The following CSRNP3 variants were observed in gnomAD, a reference collection of about 807,000 sequenced individuals.
CSRNP3 encodes the protein cysteine/serine-rich nuclear protein 3.
Under a neutral mutation model 48.0 loss-of-function variants are expected in CSRNP3, and 12 were observed. The observed-to-expected ratio is 0.25, with a 90% CI of 0.16 to 0.41. The LOEUF (loss-of-function observed/expected upper bound fraction) is 0.41, where lower values mean the gene tolerates loss of function less well. Among genes scored for constraint, CSRNP3 ranks in the 10% least tolerant of loss-of-function variants. The pLI, the probability that CSRNP3 is intolerant of heterozygous loss-of-function variation, is 1.00. For missense variants in CSRNP3, 580 were observed against 724.4 expected, an observed-to-expected ratio of 0.80 and a Z score of 2.29; for synonymous variants, 263 against 269.7, an observed-to-expected ratio of 0.98 and a Z score of 0.24.
At chr2:165,634,225 A>G (rs1362872491) in intron 4 of CSRNP3, among the ~76,000 whole-genome samples, 1 of 152,082 alleles carries the variant, frequency 6.6e-6, no homozygotes, top group African/African-American at 2.4e-5. Flanking sequence ...CTGTAATCCC[A>G]GGTACTCAGG....
intron 4 of CSRNP3, among the ~76,000 whole-genome samples, chr2:165,633,019 T>C (rs775232615): frequency 6.6e-6 from 1 of 152,254 alleles, no homozygotes; most frequent in Non-Finnish European, 1.5e-5. Flanking sequence ...TATGTCATAC[T>C]TTATGCAAAT....
intron 3 of CSRNP3, among the ~76,000 whole-genome samples, chr2:165,539,214 AT>A (rs1475052693): frequency 6.6e-6 from 1 of 152,020 alleles, no homozygotes; most frequent in Non-Finnish European, 1.5e-5. Flanking sequence ...AAACTGACAG[AT>A]CAATATGCAC....
intron 4 of CSRNP3, among the ~76,000 whole-genome samples, chr2:165,642,842 G>A (rs557959452): frequency 1.3e-4 from 20 of 152,174 alleles, no homozygotes; most frequent in Non-Finnish European, 2.5e-4. Flanking sequence ...GATTATAGAC[G>A]TGAGCCACCA....
Position 165,679,725 on chromosome 2 carries a change from C to T in CSRNP3, c.1730C>T (p.Ser577Leu). Residue 577 changes from serine to leucine, a missense_variant, in exon 7 of 7, where the codon TCA (serine) becomes TTA (leucine). Around this residue, in one of 4 missense-constraint regions of CSRNP3, gnomAD observed 369 missense variants for 380.8 expected, o/e 0.97. Transcript: ENST00000651982. The stretch of plus-strand genomic sequence containing the variant: ...ATATTGCATGAAGAGTGCATCAAAT[C>T]ACCCGTGGTTGAGACAGTCCCTGTT... Reference protein sequence around the residue: ...KSILHEECIKSPVVETVPV With the variant: ...KSILHEECIKLPVVETVPV The T allele has an allele frequency of 6.2e-7, 1 of 1,613,758 alleles. No individual in the cohort carries two copies. The highest frequency in any genetic ancestry group is 2.2e-5 in the East Asian group (1 of 44,854).
intron 5 of CSRNP3, among the ~76,000 whole-genome samples, chr2:165,671,665 A>C (rs1428032380): frequency 3.3e-5 from 5 of 152,270 alleles, no homozygotes; most frequent in African/African-American, 1.2e-4. Context: ...CATGCCCTGG[A>C]GACATTTTCC....
chr2:165,580,104 A>G (rs1685518459), intron 3 of CSRNP3, among the ~76,000 whole-genome samples: 1 of 151,290 alleles, frequency 6.6e-6, no homozygotes, highest in Non-Finnish European at 1.5e-5. Context: ...AATTTTTTGT[A>G]TTTTTAGTAG....
At chr2:165,651,314 A>G (rs1686898696) in intron 4 of CSRNP3, among the ~76,000 whole-genome samples, 1 of 152,230 alleles carries the variant, frequency 6.6e-6, no homozygotes, top group Non-Finnish European at 1.5e-5. Context: ...TTGAAGATTT[A>G]TTCCATACTA....
intron 4 of CSRNP3, among the ~76,000 whole-genome samples, chr2:165,603,964 G>A (rs1016020679): frequency 3.9e-5 from 6 of 152,148 alleles, no homozygotes; most frequent in Non-Finnish European, 5.9e-5. Flanking sequence ...CTAATAGGCA[G>A]GGCTCTCAAA....
chr2:165,622,093 A>C (rs1463016919), intron 4 of CSRNP3, among the ~76,000 whole-genome samples: 1 of 151,942 alleles, frequency 6.6e-6, no homozygotes, highest in Non-Finnish European at 1.5e-5. Flanking sequence ...ATTTCACATT[A>C]AAAAAAATAA....
At chr2:165,521,527 T>C (rs1396170173) in intron 3 of CSRNP3, among the ~76,000 whole-genome samples, 1 of 152,168 alleles carries the variant, frequency 6.6e-6, no homozygotes, top group Non-Finnish European at 1.5e-5. Context: ...GATTCTTCCA[T>C]TCTCTCACAA....
At position 165,687,688 on chromosome 2, in the gene CSRNP3, G is replaced by A. The variant is rs756984009; in HGVS notation, c.*7935G>A. 2 of 152,002 alleles carry A rather than the reference G, an allele frequency of 1.3e-5. No homozygotes were observed. Among genetic ancestry groups the A allele is most frequent in the African/African-American group, 4.8e-5 (2 of 41,390 alleles). The allele number at this position is 152,002 out of a possible 1,614,324, so 9.4% of individuals were successfully genotyped here. On this transcript the variant is annotated 3_prime_UTR_variant, in exon 7 of 7. Transcript: ENST00000651982. Reference sequence around the variant, plus strand: ...TGTGTTATTTAAACAATGGCTTCCTGCTTTCTCAGGGGTCAGGAAAATGAT... The same window carrying A: ...TGTGTTATTTAAACAATGGCTTCCTACTTTCTCAGGGGTCAGGAAAATGAT...
intron 3 of CSRNP3, among the ~76,000 whole-genome samples, chr2:165,534,300 T>C (rs1338002335): frequency 2.0e-5 from 3 of 151,956 alleles, no homozygotes; most frequent in Non-Finnish European, 4.4e-5. Context: ...TGCACATTTT[T>C]TGGTATCTAT....
chr2:165,559,540 C>G (rs962331721), intron 3 of CSRNP3, among the ~76,000 whole-genome samples: 3 of 151,954 alleles, frequency 2.0e-5, no homozygotes, highest in African/African-American at 7.2e-5. Flanking sequence ...TATTAATAGA[C>G]TTTATAGAAG....
chr2:165,503,478 A>G (rs1042971239), intron 2 of CSRNP3, among the ~76,000 whole-genome samples: 2 of 151,938 alleles, frequency 1.3e-5, no homozygotes, highest in African/African-American at 4.8e-5. Context: ...ATTATCTCAG[A>G]TGAGAGTTCT....
chr2:165,471,458 A>C lies in CSRNP3; in HGVS notation c.-283+1718A>C, dbSNP rs116385831. ...ATCAATGCAGCTATATTTTTTAGAAATTATAAATTCTGAGTAAAGCTACCT... is the reference window on the plus strand; with the variant it reads ...ATCAATGCAGCTATATTTTTTAGAACTTATAAATTCTGAGTAAAGCTACCT... On this transcript the variant is annotated intron_variant, in intron 1 of 6. Coordinates refer to ENST00000651982, the MANE Select transcript of CSRNP3 (RefSeq NM_001172173.2). Among the ~76,000 whole-genome samples, 1,230 of 152,164 alleles carry C rather than the reference A, an allele frequency of 8.1e-3. 15 individuals are homozygous for C. The highest frequency in any genetic ancestry group is 0.029 in the African/African-American group (1,187 of 41,552).
chr2:165,656,775 A>C (rs921748080), intron 4 of CSRNP3, among the ~76,000 whole-genome samples: 4 of 152,086 alleles, frequency 2.6e-5, no homozygotes, highest in African/African-American at 9.7e-5. Context: ...AAATTTGTTG[A>C]CATTTGTTTT....
chr2:165,668,111 T>C lies in CSRNP3; in HGVS notation c.409-8201T>C, dbSNP rs147233899. ...ATAGGGGAGATAAACATTAAATCAA[T>C]CACCAAAGCTAATATAGTCTTACAA... is the stretch of plus-strand genomic sequence containing the variant. On this transcript the variant is annotated intron_variant, in intron 5 of 6. Transcript: ENST00000651982. Among the ~76,000 whole-genome samples, 957 of 152,278 alleles carry C rather than the reference T, an allele frequency of 6.3e-3. 10 individuals carry two copies. The highest frequency in any genetic ancestry group is 6.2e-3 in the Non-Finnish European group (423 of 68,018).
intron 4 of CSRNP3, among the ~76,000 whole-genome samples, chr2:165,653,809 TA>T (rs1338529703): frequency 1.3e-5 from 2 of 151,416 alleles, no homozygotes; most frequent in Non-Finnish European, 2.9e-5. Flanking sequence ...CTGTCTTTAC[TA>T]AAAATACAAA....
At chr2:165,575,704 C>T (rs1023997628) in intron 3 of CSRNP3, among the ~76,000 whole-genome samples, 6 of 151,896 alleles carry the variant, frequency 4.0e-5, no homozygotes, top group Non-Finnish European at 8.8e-5. Flanking sequence ...GGAACCACAA[C>T]AGGAGGATAG....
Sources: allele counts gnomAD v4.1 joint callset (sites outside exome capture counted in the v4.1 genomes callset), GRCh38; gene constraint gnomAD v4.1.1; regional missense constraint gnomAD v4.1.1; transcripts MANE v1.5; gene names NCBI Gene and HGNC (gene_info 2026-07-23, HGNC 2026-07-21).